Variants in KLHL15 observed in about 807,000 individuals in gnomAD.
KLHL15 encodes kelch like family member 15.
Under a neutral mutation model 29.3 loss-of-function variants are expected in KLHL15, and 1 was observed. The observed-to-expected ratio is 0.03, with a 90% confidence interval of 0.01 to 0.16. KLHL15 has a LOEUF of 0.16. Among genes scored for constraint, KLHL15 ranks in the 10% least tolerant of loss-of-function variants. The probability of loss-of-function intolerance (pLI) is 1.00; values close to 1 mark genes in which losing one functional copy is unlikely to be tolerated. For missense variants in KLHL15, 215 were observed against 478.5 expected (o/e 0.45, Z 5.14); for synonymous variants, 212 against 184.5 (o/e 1.15, Z -1.21).
intron 3 of KLHL15, among the ~76,000 whole-genome samples, chrX:23,991,964 G>A (rs1929097849): frequency 8.9e-6 from 1 of 112,159 alleles, no homozygotes; most frequent in African/African-American, 3.2e-5. Flanking sequence ...TTCTTATTGA[G>A]TTGTAGGAGC....
At position 24,025,039 on chromosome X, in the gene KLHL15, CAGCCCCCTCTGGATA is replaced by C; in HGVS notation, c.-205_-191del. 3.4e-6 allele frequency: 1 copy of C among 297,683 alleles called. No individual in the cohort carries two copies. Among genetic ancestry groups the C allele is most frequent in the African/African-American group, 2.7e-5 (1 of 37,244 alleles). The allele number at this position is 297,683 out of a possible 1,213,427, so 24.5% of individuals were successfully genotyped here. The stretch of plus-strand genomic sequence containing the variant: ...GGCGGGGCACGAGAGTGCTCGCCTG[CAGCCCCCTCTGGATA>C]AGTCCTGGGAAAGAAGACAGCGCTG... On this transcript the variant is annotated 5_prime_UTR_variant, in exon 2 of 4. Transcript: ENST00000328046.
At chrX:23,998,146 A>G (rs868105162) in intron 3 of KLHL15, among the ~76,000 whole-genome samples, 22 of 110,039 alleles carry the variant, frequency 2.0e-4, no homozygotes, top group South Asian at 3.8e-4. Context: ...TATTTTTAGT[A>G]GAGATGAGGT....
At chrX:23,990,454 A>C (rs1265224223) in intron 3 of KLHL15, among the ~76,000 whole-genome samples, 1 of 111,796 alleles carries the variant, frequency 8.9e-6, no homozygotes, top group Non-Finnish European at 1.9e-5. Context: ...TGTCATAATA[A>C]GACAAGGATA....
chrX:24,019,715 T>C (rs1171579287), intron 2 of KLHL15, among the ~76,000 whole-genome samples: 1 of 111,655 alleles, frequency 9.0e-6, no homozygotes, highest in East Asian at 2.8e-4. Flanking sequence ...TGGAAGACTA[T>C]TACTGCTATT....
chrX:23,998,797 C>T (rs754774066), intron 3 of KLHL15, among the ~76,000 whole-genome samples: 24 of 112,208 alleles, frequency 2.1e-4, no homozygotes, highest in Non-Finnish European at 4.1e-4. Context: ...TCCTTTCCTG[C>T]TCCAAACCTT....
At chrX:23,996,622 C>T (rs894696976) in intron 3 of KLHL15, among the ~76,000 whole-genome samples, 2 of 111,334 alleles carry the variant, frequency 1.8e-5, no homozygotes, top group Non-Finnish European at 3.8e-5. Context: ...GAGATCGCAC[C>T]GCTGCACTCC....
intron 2 of KLHL15, among the ~76,000 whole-genome samples, chrX:24,019,644 AACACAC>A (rs200893692): frequency 2.8e-5 from 3 of 107,177 alleles, no homozygotes; most frequent in African/African-American, 6.8e-5. Flanking sequence ...GATAAGTGAC[AACACAC>A]ACACACACAC....
intron 2 of KLHL15, among the ~76,000 whole-genome samples, chrX:24,019,934 AATTT>A (rs763903920): frequency 8.9e-6 from 1 of 112,513 alleles, no homozygotes; most frequent in South Asian, 3.6e-4. Flanking sequence ...CATAAGCAAT[AATTT>A]ATTGCTTTCA....
At chrX:24,000,816 A>C (rs1929298423) in intron 3 of KLHL15, among the ~76,000 whole-genome samples, 1 of 112,589 alleles carries the variant, frequency 8.9e-6, no homozygotes, top group Admixed American at 9.5e-5. Context: ...GTTTACATAG[A>C]TGTGGCTTTG....
At chrX:24,026,936 CTA>C (rs1026895529) in intron 1 of KLHL15, among the ~76,000 whole-genome samples, 4 of 112,220 alleles carry the variant, frequency 3.6e-5, no homozygotes, top group African/African-American at 1.3e-4. Context: ...ATATTTGTAT[CTA>C]TTACTACATG....
chrX:24,007,743 CAAAT>C (rs897331766), intron 2 of KLHL15, among the ~76,000 whole-genome samples: 4 of 108,888 alleles, frequency 3.7e-5, no homozygotes, highest in Non-Finnish European at 7.6e-5. Context: ...AGGAAATATT[CAAAT>C]AAATAGGCAA....
chrX:24,007,766 T>C (rs1197231553), intron 2 of KLHL15, among the ~76,000 whole-genome samples: 7 of 110,040 alleles, frequency 6.4e-5, no homozygotes, highest in African/African-American at 2.0e-4. Flanking sequence ...AAGTTGTACA[T>C]ATAAGGTTTT....
At chrX:23,996,823 T>C (rs929996938) in intron 3 of KLHL15, among the ~76,000 whole-genome samples, 4 of 112,150 alleles carry the variant, frequency 3.6e-5, no homozygotes, top group Non-Finnish European at 5.6e-5. Flanking sequence ...CTAAAGCTTA[T>C]ATTGATTTAC....
chrX:23,990,683 C>T (rs1035723648), intron 3 of KLHL15, among the ~76,000 whole-genome samples: 11 of 110,448 alleles, frequency 1.0e-4, no homozygotes, highest in Non-Finnish European at 1.5e-4. Flanking sequence ...GGTTCTGAGG[C>T]GGAAATGTCT....
In KLHL15 at chrX:23,988,971, T is replaced by G; in HGVS notation, c.765A>C (p.Ala255=). Residue 255 remains alanine (A), a synonymous_variant, in exon 4 of 4, where the codon GCA becomes GCC. Coordinates refer to ENST00000328046, the MANE Select transcript of KLHL15 (RefSeq NM_030624.3). ...SRQLRYEVDQ[A]LNYFQNVHQQ... ...GGTGAACATTCTGAAAGTAATTCAA[T>G]GCTTGGTCAACTTCGTAACGGAGCT... is the stretch of plus-strand genomic sequence containing the variant. 2.5e-6 allele frequency: 3 copies of G among 1,211,083 alleles called. No homozygotes were observed. Among genetic ancestry groups the G allele is most frequent in the Non-Finnish European group, 3.4e-6 (3 of 894,832 alleles).
At chrX:24,025,156 G>A in intron 1 of KLHL15, 98 bp from the exon 2 acceptor site, 1 of 291,050 alleles carries the variant, frequency 3.4e-6, no homozygotes. Flanking sequence ...CCAACGCCGG[G>A]GGCCTCGCAG....
At chrX:24,003,381 TAA>T (rs373571267) in intron 3 of KLHL15, among the ~76,000 whole-genome samples, 3 of 98,716 alleles carry the variant, frequency 3.0e-5, no homozygotes, top group African/African-American at 1.1e-4. Context: ...CCGTCTCTAC[TAA>T]AAAAAAAAAA....
At position 24,012,996 on chromosome X, in the gene KLHL15, GA is replaced by G. The variant is rs199648749; in HGVS notation, c.-7-6297del. 3.6e-5 allele frequency among the ~76,000 whole-genome samples: 4 copies of G among 110,718 alleles called. No homozygotes were observed. The South Asian group carries it at 1.1e-3, about 31-fold the overall frequency. On this transcript the variant is annotated intron_variant, in intron 2 of 3. Coordinates refer to ENST00000328046, the MANE Select transcript of KLHL15 (RefSeq NM_030624.3). The stretch of plus-strand genomic sequence containing the variant: ...ACACAAGAGGTCTATCTATAATTTG[GA>G]AAAAAAATATATTCTGGAAACTAAT...
At chrX:24,003,572 A>C (rs1465031945) in intron 3 of KLHL15, among the ~76,000 whole-genome samples, 3 of 107,869 alleles carry the variant, frequency 2.8e-5, no homozygotes, top group Non-Finnish European at 3.8e-5. Flanking sequence ...CAAAAAAAAA[A>C]AAACAAAAAA....
Sources: gnomAD v4.1 joint callset for allele counts (sites outside exome capture counted in the v4.1 genomes callset) on GRCh38, gnomAD v4.1.1 for gene constraint, MANE v1.5 for transcripts, NCBI Gene and HGNC (gene_info 2026-07-23, HGNC 2026-07-21) for gene names.